FTO: variants seen among roughly 807,000 people sequenced by gnomAD.
FTO encodes FTO alpha-ketoglutarate dependent dioxygenase.
Under a neutral mutation model 63.9 loss-of-function variants are expected in FTO, and 47 were observed. That is an observed-to-expected ratio of 0.74 (90% CI 0.58 to 0.94). FTO has a LOEUF of 0.94. Among genes scored for constraint, FTO ranks in the 40% least tolerant of loss-of-function variants. The pLI is 0.00. For synonymous variants in FTO, 207 were observed against 224.4 expected (o/e 0.92, Z 0.69); for missense variants, 562 against 618.1 (o/e 0.91, Z 0.96).
intron 7 of FTO, among the ~76,000 whole-genome samples, chr16:53,931,190 G>T (rs1332168035): frequency 1.3e-5 from 2 of 149,786 alleles, no homozygotes; most frequent in Non-Finnish European, 3.0e-5. Context: ...GAAAAATTTT[G>T]TTTTGATCAT....
intron 1 of FTO, among the ~76,000 whole-genome samples, chr16:53,775,178 C>A (rs148626537): frequency 1.1e-4 from 17 of 152,242 alleles, no homozygotes; most frequent in Admixed American, 1.1e-3. Context: ...CTTCCCCCAG[C>A]ATGTTTAAAA....
chr16:53,827,135 G>A (rs1295144366), intron 3 of FTO, among the ~76,000 whole-genome samples: 1 of 152,088 alleles, frequency 6.6e-6, no homozygotes, highest in Non-Finnish European at 1.5e-5. Context: ...AGACCTTGTT[G>A]GGTGGCTGTG....
intron 1 of FTO, among the ~76,000 whole-genome samples, chr16:53,800,625 T>C (rs2078194686): frequency 6.6e-6 from 1 of 152,056 alleles, no homozygotes; most frequent in Non-Finnish European, 1.5e-5. Flanking sequence ...TTTTTGTTCT[T>C]TCAGTTTTTG....
chr16:54,080,234 G>T (rs2086109382), intron 8 of FTO, among the ~76,000 whole-genome samples: 1 of 152,152 alleles, frequency 6.6e-6, no homozygotes, highest in Non-Finnish European at 1.5e-5. Context: ...AAAAAGCAAA[G>T]AAAAGTAGAA....
chr16:53,736,329 A>G (rs1454943399), intron 1 of FTO, among the ~76,000 whole-genome samples: 2 of 151,444 alleles, frequency 1.3e-5, no homozygotes, highest in African/African-American at 2.4e-5. Context: ...CGTTGTGCAC[A>G]TGTACCCTAG....
At chr16:53,961,355 C>A (rs2083077553) in intron 8 of FTO, among the ~76,000 whole-genome samples, 1 of 152,252 alleles carries the variant, frequency 6.6e-6, no homozygotes, top group Non-Finnish European at 1.5e-5. Context: ...AGCATGTCTC[C>A]AGTGCTGGAG....
At chr16:53,979,358 A>G (rs2083492455) in intron 8 of FTO, 1 of 398,502 alleles carries the variant, frequency 2.5e-6, no homozygotes. Flanking sequence ...AATATTGCCA[A>G]TTTGATTTCT....
At chr16:54,041,963 C>A (rs2085087468) in intron 8 of FTO, among the ~76,000 whole-genome samples, 1 of 152,146 alleles carries the variant, frequency 6.6e-6, no homozygotes, top group African/African-American at 2.4e-5. Context: ...TGTCGTGGAT[C>A]CCTGGGATGT....
At chr16:53,930,399 G>A (rs9929838) in intron 7 of FTO, among the ~76,000 whole-genome samples, 3,804 of 151,082 alleles carry the variant, frequency 0.025, 170 homozygotes, top group African/African-American at 0.086. Context: ...AATTTTTTGT[G>A]TTTTTAGTAG....
intron 7 of FTO, among the ~76,000 whole-genome samples, chr16:53,914,191 A>G (rs1381872470): frequency 5.3e-5 from 8 of 151,788 alleles, no homozygotes; most frequent in African/African-American, 1.9e-4. Flanking sequence ...GGACTTTAGC[A>G]TTTCTGTTTC....
chr16:54,089,858 C>T (rs1296143234), intron 8 of FTO, among the ~76,000 whole-genome samples: 1 of 142,070 alleles, frequency 7.0e-6, no homozygotes, highest in Non-Finnish European at 1.5e-5. Flanking sequence ...ACTGGGATGG[C>T]AATTAAAAAA....
chr16:53,861,281 A>G (rs1227286586), intron 4 of FTO, among the ~76,000 whole-genome samples: 3 of 152,274 alleles, frequency 2.0e-5, no homozygotes, highest in East Asian at 1.9e-4. Context: ...CCTACCTGCA[A>G]TGTATGAAAT....
At chr16:53,944,719 C>G (rs72807798) in intron 8 of FTO, among the ~76,000 whole-genome samples, 6 of 152,024 alleles carry the variant, frequency 3.9e-5, no homozygotes, top group Admixed American at 2.0e-4. Context: ...ATAATAGAAC[C>G]CATTTCATAG....
intron 4 of FTO, among the ~76,000 whole-genome samples, chr16:53,859,659 T>C (rs1167326079): frequency 6.6e-6 from 1 of 151,982 alleles, no homozygotes; most frequent in Non-Finnish European, 1.5e-5. Flanking sequence ...AAAGGAGACA[T>C]ATGAATGCTC....
At chr16:54,067,586 G>T (rs376906879) in intron 8 of FTO, among the ~76,000 whole-genome samples, 1 of 152,162 alleles carries the variant, frequency 6.6e-6, no homozygotes, top group Non-Finnish European at 1.5e-5. Context: ...TTAACAGTCC[G>T]TCCATATCAC....
chr16:53,990,555 G>A (rs2083784021), intron 8 of FTO, among the ~76,000 whole-genome samples: 1 of 152,096 alleles, frequency 6.6e-6, no homozygotes, highest in Non-Finnish European at 1.5e-5. Context: ...AGCAGAGGCA[G>A]GCACTGTCTC....
intron 1 of FTO, among the ~76,000 whole-genome samples, chr16:53,709,361 T>G (rs2151460618): frequency 6.6e-6 from 1 of 152,310 alleles, no homozygotes; most frequent in Non-Finnish European, 1.5e-5. Flanking sequence ...AATAGAACAG[T>G]CCAGATAAGT....
At chr16:53,865,609 A>G (rs1027650405) in intron 4 of FTO, among the ~76,000 whole-genome samples, 2 of 151,976 alleles carry the variant, frequency 1.3e-5, no homozygotes, top group Non-Finnish European at 2.9e-5. Context: ...AGCATGTCCT[A>G]TTGTCTTTTC....
intron 1 of FTO, among the ~76,000 whole-genome samples, chr16:53,753,293 A>G (rs1157730153): frequency 1.3e-5 from 2 of 151,714 alleles, no homozygotes; most frequent in African/African-American, 2.4e-5. Context: ...ATGCAAAACC[A>G]GAAAAACCAG....
Sources: gnomAD v4.1 joint callset for allele counts (sites outside exome capture counted in the v4.1 genomes callset) on GRCh38, gnomAD v4.1.1 for gene constraint, MANE v1.5 for transcripts, NCBI Gene and HGNC (gene_info 2026-07-23, HGNC 2026-07-21) for gene names.